MYMX: variants seen among roughly 807,000 people sequenced by gnomAD.
The protein encoded by MYMX is myomixer, myoblast fusion factor.
the MYMX span, among the ~76,000 whole-genome samples, chr6:44,199,922 C>T: frequency 6.6e-6 from 1 of 152,088 alleles, no homozygotes; most frequent in Non-Finnish European, 1.5e-5. Context: ...TGGGCTCAAG[C>T]AATCCAAGCG....
upstream of MYMX, among the ~76,000 whole-genome samples, chr6:44,215,136 T>C (rs1775791818): frequency 6.6e-6 from 1 of 152,212 alleles, no homozygotes; most frequent in Non-Finnish European, 1.5e-5. Flanking sequence ...ATGATGATGC[T>C]AGTGGCGGCT....
the MYMX span, among the ~76,000 whole-genome samples, chr6:44,208,117 A>G: frequency 6.6e-6 from 1 of 152,044 alleles, no homozygotes; most frequent in Non-Finnish European, 1.5e-5. Context: ...GGTCACAGCT[A>G]CTTTGGAGGC....
chr6:44,207,884 A>C, the MYMX span, among the ~76,000 whole-genome samples: 1 of 152,108 alleles, frequency 6.6e-6, no homozygotes, highest in Non-Finnish European at 1.5e-5. Context: ...TAAATGAAAA[A>C]GCTTATTGGT....
At chr6:44,208,758 G>T in the MYMX span, among the ~76,000 whole-genome samples, 1 of 152,162 alleles carries the variant, frequency 6.6e-6, no homozygotes, top group Non-Finnish European at 1.5e-5. Flanking sequence ...GTTCCTTAAG[G>T]CTCCCATTGC....
the MYMX span, among the ~76,000 whole-genome samples, chr6:44,195,063 T>A: frequency 6.6e-6 from 1 of 152,148 alleles, no homozygotes; most frequent in African/African-American, 2.4e-5. Flanking sequence ...TTGCTCAGGC[T>A]GGAGTGCAGT....
chr6:44,212,358 T>C (rs1775634238), upstream of MYMX, among the ~76,000 whole-genome samples: 1 of 151,958 alleles, frequency 6.6e-6, no homozygotes, highest in South Asian at 2.1e-4. Flanking sequence ...TGATCCATGA[T>C]CATGCCACTG....
At chr6:44,211,788 T>TGTGTGTG in the MYMX span, among the ~76,000 whole-genome samples, 1 of 126,382 alleles carries the variant, frequency 7.9e-6, no homozygotes, top group Non-Finnish European at 1.6e-5. Flanking sequence ...CAGCTAGGTT[T>TGTGTGTG]TGTGTGTGTG....
the MYMX span, among the ~76,000 whole-genome samples, chr6:44,196,953 C>T: frequency 4.0e-5 from 6 of 151,114 alleles, no homozygotes; most frequent in African/African-American, 7.3e-5. Context: ...AGCAAAACTC[C>T]GTGTCAAAAC....
At chr6:44,215,413 A>G (rs1369657466), upstream of MYMX, among the ~76,000 whole-genome samples, 1 of 151,826 alleles carries the variant, frequency 6.6e-6, no homozygotes, top group African/African-American at 2.4e-5. Context: ...GTCTCTACAA[A>G]ATAAATTTTA....
chr6:44,204,359 G>A, the MYMX span, among the ~76,000 whole-genome samples: 2 of 152,124 alleles, frequency 1.3e-5, no homozygotes, highest in Admixed American at 6.6e-5. Flanking sequence ...ATGAAGCCAC[G>A]TAGATTTCTG....
At chr6:44,209,583 G>A in the MYMX span, among the ~76,000 whole-genome samples, 7 of 152,212 alleles carry the variant, frequency 4.6e-5, no homozygotes, top group Non-Finnish European at 1.0e-4. Flanking sequence ...TTAAGAACAA[G>A]TGACTTAAAT....
At chr6:44,195,990 G>A in the MYMX span, among the ~76,000 whole-genome samples, 2 of 151,828 alleles carry the variant, frequency 1.3e-5, no homozygotes, top group African/African-American at 4.8e-5. Flanking sequence ...TGCCCAGGCC[G>A]GGAGTGCAGT....
At chr6:44,201,843 G>A in the MYMX span, among the ~76,000 whole-genome samples, 7 of 152,168 alleles carry the variant, frequency 4.6e-5, no homozygotes, top group East Asian at 1.9e-4. Context: ...GCACAGCTCC[G>A]GAAGGTGCCA....
chr6:44,204,998 T>C, the MYMX span, among the ~76,000 whole-genome samples: 2 of 152,288 alleles, frequency 1.3e-5, no homozygotes, highest in East Asian at 3.9e-4. Flanking sequence ...AGCCAAACAG[T>C]GACACATCAG....
chr6:44,217,136 A>C, intron 1 of MYMX, 168 bp downstream of exon 1: 1 of 263,406 alleles, frequency 3.8e-6, no homozygotes, highest in Non-Finnish European at 7.1e-6. Context: ...AGGCTGTGCA[A>C]GAGGAGGGGG....
chr6:44,197,222 C>G, the MYMX span, among the ~76,000 whole-genome samples: 3 of 150,656 alleles, frequency 2.0e-5, no homozygotes, highest in African/African-American at 7.3e-5. Context: ...GGGGACAGAG[C>G]AAGACTTCAT....
At chr6:44,198,048 C>T in the MYMX span, among the ~76,000 whole-genome samples, 1 of 151,336 alleles carries the variant, frequency 6.6e-6, no homozygotes, top group Admixed American at 6.6e-5. Context: ...CTAGGTGGCT[C>T]ATGCATAGGA....
At chr6:44,208,211 C>A in the MYMX span, among the ~76,000 whole-genome samples, 2 of 143,938 alleles carry the variant, frequency 1.4e-5, no homozygotes, top group African/African-American at 2.6e-5. Flanking sequence ...CACACCACTG[C>A]ATGCCAGCTT....
At chr6:44,211,788 T>TTTTGTGTGTGTGTGTGTG in the MYMX span, among the ~76,000 whole-genome samples, 104 of 126,422 alleles carry the variant, frequency 8.2e-4, no homozygotes, top group African/African-American at 3.1e-3. Flanking sequence ...CAGCTAGGTT[T>TTTTGTGTGTGTGTGTGTG]TGTGTGTGTG....
Sources: gnomAD v4.1 joint callset for allele counts (sites outside exome capture counted in the v4.1 genomes callset) on GRCh38, gnomAD v4.1.1 for gene constraint, MANE v1.5 for transcripts, NCBI Gene and HGNC (gene_info 2026-07-23, HGNC 2026-07-21) for gene names.